FHIT: variants seen among roughly 807,000 people sequenced by gnomAD.
FHIT encodes the protein fragile histidine triad diadenosine triphosphatase.
In FHIT, 19 loss-of-function variants were observed where a neutral mutation model predicts 17.9. The ratio of observed to expected loss-of-function variants is 1.06; its 90% confidence interval spans 0.74 to 1.56. The LOEUF is 1.56. FHIT is among the 40% of genes most tolerant of loss of function. FHIT has a pLI of 0.00. For missense variants in FHIT, 248 were observed against 189.2 expected, an observed-to-expected ratio of 1.31 and a Z score of -1.82; for synonymous variants, 81 against 69.7, an observed-to-expected ratio of 1.16 and a Z score of -0.81.
chr3:59,946,373 T>C (rs1706803619), intron 7 of FHIT, among the ~76,000 whole-genome samples: 1 of 152,242 alleles, frequency 6.6e-6, no homozygotes, highest in Non-Finnish European at 1.5e-5. Flanking sequence ...ATTGATTTTG[T>C]ATGCTGAAAC....
In FHIT at chr3:59,974,221, G is replaced by T. The variant is rs887632857; in HGVS notation, c.279+37150C>A. On this transcript the variant is annotated intron_variant, in intron 7 of 9. Coordinates refer to ENST00000492590, the MANE Select transcript of FHIT (RefSeq NM_002012.4). Reference sequence around the variant, plus strand: ...CCAACCCCAAAATGACAGATGATTTGCTACACAGTGCCCAAGAGAAGGAAG... The same window carrying T: ...CCAACCCCAAAATGACAGATGATTTTCTACACAGTGCCCAAGAGAAGGAAG... 1.3e-5 allele frequency among the ~76,000 whole-genome samples: 2 copies of T among 152,134 alleles called. 1 individual carries two copies. Among genetic ancestry groups the T allele is most frequent in the Middle Eastern group, 6.3e-3 (2 of 316 alleles).
intron 5 of FHIT, among the ~76,000 whole-genome samples, chr3:60,140,869 C>A (rs188136362): frequency 3.3e-5 from 5 of 152,232 alleles, no homozygotes; most frequent in African/African-American, 1.2e-4. Flanking sequence ...TGAGCCAATG[C>A]GCCCAGCCGG....
At chr3:60,045,559 C>G (rs1226094392) in intron 5 of FHIT, among the ~76,000 whole-genome samples, 1 of 152,014 alleles carries the variant, frequency 6.6e-6, no homozygotes, top group Non-Finnish European at 1.5e-5. Flanking sequence ...CACAGCCAAA[C>G]AATATCAAAT....
At chr3:60,158,756 A>G (rs1391610876) in intron 5 of FHIT, among the ~76,000 whole-genome samples, 5 of 152,164 alleles carry the variant, frequency 3.3e-5, no homozygotes, top group African/African-American at 1.2e-4. Flanking sequence ...TCTTCCCTTT[A>G]GAGATGTGAG....
chr3:60,186,338 T>C (rs1702157289), intron 5 of FHIT, among the ~76,000 whole-genome samples: 1 of 152,204 alleles, frequency 6.6e-6, no homozygotes, highest in Non-Finnish European at 1.5e-5. Flanking sequence ...ATTTTTACAG[T>C]GGATGTTCAA....
intron 5 of FHIT, among the ~76,000 whole-genome samples, chr3:60,486,153 A>G (rs942523426): frequency 2.0e-5 from 3 of 152,110 alleles, no homozygotes; most frequent in African/African-American, 7.2e-5. Context: ...CATTTCCTCA[A>G]TTTGATAGAG....
At chr3:59,751,699 GAACATAAAGGGA>G (rs140687453) in intron 9 of FHIT, 3,247 of 230,178 alleles carry the variant, frequency 0.014, 111 homozygotes, top group African/African-American at 0.064. Flanking sequence ...CCTAGGAGCC[GAACATAAAGGGA>G]AACATGAAGG....
intron 4 of FHIT, among the ~76,000 whole-genome samples, chr3:60,680,560 A>ATT (rs56306198): frequency 0.75 from 109,322 of 145,758 alleles, 42,062 homozygotes; most frequent in East Asian, 0.85. Flanking sequence ...TTCATCATCT[A>ATT]TTTTTTTTTT....
intron 5 of FHIT, among the ~76,000 whole-genome samples, chr3:60,227,996 G>C (rs184617611): frequency 8.0e-4 from 122 of 152,228 alleles, no homozygotes; most frequent in African/African-American, 2.8e-3. Context: ...AGACCTATTA[G>C]GTTTCCTTTT....
chr3:60,841,834 G>T lies in FHIT; in HGVS notation c.-110-19823C>A, dbSNP rs72886257. On this transcript the variant is annotated intron_variant, in intron 3 of 9. Coordinates refer to ENST00000492590, the MANE Select transcript of FHIT (RefSeq NM_002012.4). ...AAAATATATACAAATGGACAAAAATGTCTTAGAACTGAGAAGGCTACTAAA... is the reference window on the plus strand; with the variant it reads ...AAAATATATACAAATGGACAAAAATTTCTTAGAACTGAGAAGGCTACTAAA... Among the ~76,000 whole-genome samples the T allele has an allele frequency of 8.2e-3, 1,242 of 152,176 alleles. 17 individuals are homozygous for T. The highest frequency in any genetic ancestry group is 0.027 in the African/African-American group (1,133 of 41,496).
At chr3:59,824,114 A>G (rs1235010665) in intron 8 of FHIT, among the ~76,000 whole-genome samples, 1 of 152,242 alleles carries the variant, frequency 6.6e-6, no homozygotes, top group African/African-American at 2.4e-5. Context: ...AAAAAATAAA[A>G]TACTTCAGAA....
chr3:59,807,352 T>C (rs1464738662), intron 8 of FHIT, among the ~76,000 whole-genome samples: 1 of 152,124 alleles, frequency 6.6e-6, no homozygotes, highest in East Asian at 1.9e-4. Context: ...CAGTGGGTAT[T>C]AGTAGCATAG....
At chr3:59,820,362 A>G (rs1327490507) in intron 8 of FHIT, among the ~76,000 whole-genome samples, 1 of 152,236 alleles carries the variant, frequency 6.6e-6, no homozygotes, top group Non-Finnish European at 1.5e-5. Context: ...ACTTAGTACC[A>G]GGTACTACAA....
chr3:59,900,834 G>C (rs1446920592), intron 8 of FHIT, among the ~76,000 whole-genome samples: 2 of 152,004 alleles, frequency 1.3e-5, no homozygotes, highest in African/African-American at 2.4e-5. Flanking sequence ...AGCTGGTCTC[G>C]AACTCCTGAC....
intron 3 of FHIT, among the ~76,000 whole-genome samples, chr3:60,989,144 T>C (rs1477869116): frequency 6.6e-6 from 1 of 152,024 alleles, no homozygotes; most frequent in Non-Finnish European, 1.5e-5. Flanking sequence ...GACAACACAG[T>C]TCTTCTAAGA....
intron 4 of FHIT, among the ~76,000 whole-genome samples, chr3:60,583,283 CTA>C (rs2037805944): frequency 6.6e-6 from 1 of 151,930 alleles, no homozygotes; most frequent in South Asian, 2.1e-4. Context: ...ATTCCCATTG[CTA>C]TGTCTTCAGC....
intron 5 of FHIT, among the ~76,000 whole-genome samples, chr3:60,482,444 C>G (rs569602285): frequency 6.6e-6 from 1 of 152,242 alleles, no homozygotes; most frequent in Non-Finnish European, 1.5e-5. Flanking sequence ...AAACACTCCT[C>G]AGCAAATGCA....
chr3:60,740,865 G>A (rs2042226104), intron 4 of FHIT, among the ~76,000 whole-genome samples: 1 of 152,184 alleles, frequency 6.6e-6, no homozygotes, highest in African/African-American at 2.4e-5. Context: ...TTATGTTGAT[G>A]AGTTTAGTCA....
intron 8 of FHIT, among the ~76,000 whole-genome samples, chr3:59,829,753 T>G (rs1037795411): frequency 1.3e-5 from 2 of 152,146 alleles, no homozygotes; most frequent in Admixed American, 6.5e-5. Context: ...CAGCTCTCTC[T>G]TATTCTGTCT....
Sources: gnomAD v4.1 joint callset for allele counts (sites outside exome capture counted in the v4.1 genomes callset) on GRCh38, gnomAD v4.1.1 for gene constraint, MANE v1.5 for transcripts, NCBI Gene and HGNC (gene_info 2026-07-23, HGNC 2026-07-21) for gene names.